CNTRL: variants seen among roughly 807,000 people sequenced by gnomAD.
CNTRL encodes centriolin.
In CNTRL, 233 loss-of-function variants were observed where a neutral mutation model predicts 303.7. The observed-to-expected ratio is 0.77, with a 90% confidence interval of 0.69 to 0.86. The LOEUF is 0.86. Among genes scored for constraint, CNTRL ranks in the 40% least tolerant of loss-of-function variants. The probability of loss-of-function intolerance (pLI) is 0.00; values close to 1 mark genes in which losing one functional copy is unlikely to be tolerated. For missense variants in CNTRL, 2,524 were observed against 2,650.6 expected (o/e 0.95, Z 1.05); for synonymous variants, 900 against 922.2 (o/e 0.98, Z 0.44).
At chr9:121,161,587 G>C in intron 32 of CNTRL, 1 of 399,880 alleles carries the variant, frequency 2.5e-6, no homozygotes, top group Non-Finnish European at 4.5e-6. Flanking sequence ...GGCTCAAGCA[G>C]TCCTTACACC....
intron 8 of CNTRL, among the ~76,000 whole-genome samples, chr9:121,109,881 A>G (rs2049669912): frequency 6.6e-6 from 1 of 152,058 alleles, no homozygotes; most frequent in Non-Finnish European, 1.5e-5. Context: ...GCTATTTTGT[A>G]TTTCCTCTTT....
chr9:121,099,197 C>T (rs148365939), intron 7 of CNTRL, among the ~76,000 whole-genome samples: 4 of 152,256 alleles, frequency 2.6e-5, no homozygotes, highest in East Asian at 1.9e-4. Flanking sequence ...CCCTCTGAGA[C>T]GAAGCTTCCA....
chr9:121,108,873 A>G (rs1465908057), intron 8 of CNTRL, among the ~76,000 whole-genome samples: 4 of 151,776 alleles, frequency 2.6e-5, no homozygotes, highest in Non-Finnish European at 4.4e-5. Flanking sequence ...ATGAAAGTCC[A>G]CTCTTCCCTA....
Position 121,142,207 on chromosome 9 carries a change from A to G in CNTRL, c.2808A>G (p.Gln936=). 6.2e-7 allele frequency: 1 copy of G among 1,612,524 alleles called. No homozygotes were observed. The highest frequency in any genetic ancestry group is 8.5e-7 in the Non-Finnish European group (1 of 1,179,448). ...AAATCCAAGGCCTTACAGATCTCCAACTTCAGGAAGCTGATGAAGAGAAGG... is the reference window on the plus strand; with the variant it reads ...AAATCCAAGGCCTTACAGATCTCCAGCTTCAGGAAGCTGATGAAGAGAAGG... ...MEEIQGLTDL[Q]LQEADEEKER... Residue 936 remains glutamine (Q), a synonymous_variant, in exon 19 of 44, where the codon CAA becomes CAG. Coordinates refer to ENST00000373855, the MANE Select transcript of CNTRL (RefSeq NM_007018.6).
In CNTRL at chr9:121,092,760, T is replaced by G. The variant is rs1295109843; in HGVS notation, c.349-2128T>G. Among the ~76,000 whole-genome samples the G allele has an allele frequency of 4.0e-5, 4 of 100,708 alleles. 1 individual carries two copies. Among genetic ancestry groups the G allele is most frequent in the Admixed American group, 1.5e-4 (1 of 6,492 alleles). The allele number at this position is 100,708 out of a possible 152,430, so 66.1% of individuals were successfully genotyped here. A position where few individuals can be genotyped will look rare whatever the true frequency, so the allele number is the denominator to read the frequency against. ...TATATATCTATATATAATATATATC[T>G]ATATATATTATATATATCTATATAG... On this transcript the variant is annotated intron_variant, in intron 4 of 43. Coordinates refer to ENST00000373855, the MANE Select transcript of CNTRL (RefSeq NM_007018.6).
intron 7 of CNTRL, among the ~76,000 whole-genome samples, chr9:121,103,873 A>G (rs2049313998): frequency 6.6e-6 from 1 of 152,206 alleles, no homozygotes; most frequent in Non-Finnish European, 1.5e-5. Context: ...AAGCCAGGAA[A>G]CAACAGGTGC....
At chr9:121,100,522 A>G (rs1366648552) in intron 7 of CNTRL, among the ~76,000 whole-genome samples, 1 of 152,242 alleles carries the variant, frequency 6.6e-6, no homozygotes, top group East Asian at 1.9e-4. Context: ...ATAACCAGCT[A>G]ACATCATAAT....
intron 14 of CNTRL, among the ~76,000 whole-genome samples, chr9:121,127,888 T>TA (rs1554751396): frequency 6.8e-6 from 1 of 147,706 alleles, no homozygotes; most frequent in East Asian, 2.0e-4. Flanking sequence ...AGTGAGAACA[T>TA]GCGGTGTTTG....
At position 121,145,298 on chromosome 9, in the gene CNTRL, C is replaced by G. The variant is rs1329696771; in HGVS notation, c.3223C>G (p.Leu1075Val). The change falls in exon 22 of 44, where the codon CTA (leucine) becomes GTA (valine). Residue 1075 changes from leucine to valine, a missense_variant. By Grantham distance (32) the Leu-to-Val change is conservative. Transcript: ENST00000373855. The stretch of plus-strand genomic sequence containing the variant: ...AGGTACTGGAGCAAACTCACAGGTC[C>G]TAGAAATTGAGAAACTGAATGAGAC... ...GVGTGANSQV[L>V]EIEKLNETME... 1 of 1,613,920 alleles carries G rather than the reference C, an allele frequency of 6.2e-7. No homozygotes were observed. Among genetic ancestry groups the G allele is most frequent in the Admixed American group, 1.7e-5 (1 of 60,006 alleles).
In CNTRL at chr9:121,162,263, A is replaced by C. The variant is rs1336126774; in HGVS notation, c.5415A>C (p.Gln1805His). ...ACATTTGGGAAAAAAAGTTGGCACA[A>C]ACCAAAAGGTGAGAGCAAGAACAAA... ...KCDIWEKKLAQTKRVLAAAEE... is the reference protein window; with the variant it reads ...KCDIWEKKLAHTKRVLAAAEE... Residue 1805 changes from glutamine (Q) to histidine (H), a missense_variant, in exon 34 of 44, where the codon CAA becomes CAC. Coordinates refer to ENST00000373855, the MANE Select transcript of CNTRL (RefSeq NM_007018.6). 5.0e-6 allele frequency: 8 copies of C among 1,613,508 alleles called. No individual in the cohort carries two copies. The highest frequency in any genetic ancestry group is 1.6e-4 in the Middle Eastern group (1 of 6,082).
intron 10 of CNTRL, 148 bp downstream of exon 10, chr9:121,113,872 A>G (rs1007456619): frequency 3.9e-6 from 2 of 509,032 alleles, no homozygotes; most frequent in Non-Finnish European, 6.6e-6. Context: ...ATTATCAAGC[A>G]GATTTATCGA....
At chr9:121,163,105 C>G (rs926753734) in intron 34 of CNTRL, among the ~76,000 whole-genome samples, 33 of 150,560 alleles carry the variant, frequency 2.2e-4, no homozygotes, top group African/African-American at 7.8e-4. Context: ...TTTGGGAGGC[C>G]GAGGCAGGAG....
intron 43 of CNTRL, among the ~76,000 whole-genome samples, chr9:121,176,753 G>C (rs2053542365): frequency 6.6e-6 from 1 of 152,186 alleles, no homozygotes; most frequent in African/African-American, 2.4e-5. Context: ...TTAAAAGTTA[G>C]GGGGCTGGCT....
At chr9:121,163,865 CT>C (rs35289557) in intron 34 of CNTRL, among the ~76,000 whole-genome samples, 11,127 of 138,056 alleles carry the variant, frequency 0.081, 946 homozygotes, top group African/African-American at 0.22. Context: ...TAACCAGGAA[CT>C]TTTTTTTTTT....
chr9:121,099,874 A>T (rs1025930237), intron 7 of CNTRL, among the ~76,000 whole-genome samples: 2 of 152,234 alleles, frequency 1.3e-5, no homozygotes, highest in East Asian at 3.8e-4. Context: ...GAGTAAAAAA[A>T]AATGAACAAA....
Position 121,167,661 on chromosome 9 carries a change from T to G in CNTRL, c.5828T>G (p.Leu1943Arg), listed in dbSNP as rs908641577. Residue 1943 changes from leucine (L) to arginine (R), a missense_variant, in exon 37 of 44, where the codon CTA becomes CGA. Transcript: ENST00000373855. ...QNEIEENKLK[L>R]VQQEMMFQRL... ...GAGATTGAAGAAAACAAGCTCAAAC[T>G]AGTCCAACAAGAAATGGTACTACAC... 5 of 1,613,776 alleles carry G rather than the reference T, an allele frequency of 3.1e-6. No homozygotes were observed. The highest frequency in any genetic ancestry group is 4.2e-6 in the Non-Finnish European group (5 of 1,179,896).
chr9:121,160,247 A>G lies in CNTRL; in HGVS notation c.5034A>G (p.Glu1678=). 6.4e-7 allele frequency: 1 copy of G among 1,561,980 alleles called. No individual in the cohort carries two copies. The highest frequency in any genetic ancestry group is 8.6e-7 in the Non-Finnish European group (1 of 1,160,004). ...TTACACTTATAAAGCAGGAAATTGA[A>G]AAAGAGGAAGAAAATCTTCAGGTTG... ...TQLTLIKQEI[E]KEEENLQVVL... Residue 1678 remains glutamate, a synonymous_variant, in exon 32 of 44, where the codon GAA becomes GAG. Transcript: ENST00000373855.
At chr9:121,166,648 A>T (rs1324047345) in intron 36 of CNTRL, among the ~76,000 whole-genome samples, 1 of 152,224 alleles carries the variant, frequency 6.6e-6, no homozygotes, top group African/African-American at 2.4e-5. Flanking sequence ...TCTTAAAGGT[A>T]ATTCAGTGTT....
chr9:121,122,272 T>G (rs2050273195), intron 12 of CNTRL: 1 of 408,352 alleles, frequency 2.4e-6, no homozygotes, highest in Non-Finnish European at 3.3e-6. Context: ...TAGTTAACTT[T>G]TCAGAAAGAT....
Sources: gnomAD v4.1 joint callset for allele counts (sites outside exome capture counted in the v4.1 genomes callset) on GRCh38, gnomAD v4.1.1 for gene constraint, MANE v1.5 for transcripts, NCBI Gene and HGNC (gene_info 2026-07-23, HGNC 2026-07-21) for gene names.